WDFY1: variants seen among roughly 807,000 people sequenced by gnomAD.
WDFY1 encodes the protein WD repeat and FYVE domain-containing protein 1.
WDFY1 carries 32 observed loss-of-function variants against 56.4 expected under a neutral mutation model. The observed-to-expected ratio is 0.57, with a 90% CI of 0.43 to 0.76. The LOEUF (loss-of-function observed/expected upper bound fraction) is 0.76, where lower values mean the gene tolerates loss of function less well. Among genes scored for constraint, WDFY1 ranks in the 30% least tolerant of loss-of-function variants. WDFY1 has a pLI of 0.00. For synonymous variants in WDFY1, 192 were observed against 197.3 expected, an observed-to-expected ratio of 0.97 and a Z score of 0.23; for missense variants, 480 against 545.7, an observed-to-expected ratio of 0.88 and a Z score of 1.20.
intron 1 of WDFY1, 60 bp downstream of exon 1, chr2:223,945,088 A>T (rs1425259676): frequency 6.6e-7 from 1 of 1,507,758 alleles, no homozygotes; most frequent in Non-Finnish European, 8.8e-7. Context: ...CGCGGACCCC[A>T]CCGCCCCCAC....
intron 1 of WDFY1, among the ~76,000 whole-genome samples, chr2:223,932,301 T>G (rs181232673): frequency 1.3e-5 from 2 of 151,856 alleles, no homozygotes; most frequent in East Asian, 3.9e-4. Flanking sequence ...TTTTTGTATT[T>G]TTAGTAGAGA....
At chr2:223,880,864 G>A (rs1693058314) in intron 10 of WDFY1, among the ~76,000 whole-genome samples, 1 of 151,904 alleles carries the variant, frequency 6.6e-6, no homozygotes, top group East Asian at 1.9e-4. Flanking sequence ...CATACAGCAT[G>A]GGCAAAACAT....
intron 9 of WDFY1, among the ~76,000 whole-genome samples, chr2:223,883,753 C>T (rs1293513079): frequency 6.6e-6 from 1 of 152,214 alleles, no homozygotes; most frequent in Non-Finnish European, 1.5e-5. Context: ...TCAAGTGATT[C>T]TCCTGCCTCA....
At chr2:223,879,983 A>T (rs934868321) in intron 11 of WDFY1, 141 bp downstream of exon 11, 34 of 731,572 alleles carry the variant, frequency 4.6e-5, no homozygotes, top group Non-Finnish European at 8.0e-5. Context: ...AGAGGCAAGC[A>T]ATTTGTTACT....
At chr2:223,896,197 A>G (rs1311397498) in intron 6 of WDFY1, among the ~76,000 whole-genome samples, 2 of 144,840 alleles carry the variant, frequency 1.4e-5, no homozygotes, top group Non-Finnish European at 3.0e-5. Flanking sequence ...CTTGTAATAC[A>G]AAGATTTTTA....
chr2:223,922,720 TG>T (rs2106095274), intron 1 of WDFY1, among the ~76,000 whole-genome samples: 1 of 152,278 alleles, frequency 6.6e-6, no homozygotes, highest in South Asian at 2.1e-4. Flanking sequence ...TCAGTGCTCA[TG>T]GAAAGAAGGG....
chr2:223,893,481 GATCA>G (rs1277665101), intron 8 of WDFY1, among the ~76,000 whole-genome samples: 3 of 151,538 alleles, frequency 2.0e-5, no homozygotes, highest in African/African-American at 7.3e-5. Flanking sequence ...AGAGAGCCAA[GATCA>G]TGCCACTGCA....
At chr2:223,889,363 G>A (rs1693228626) in intron 8 of WDFY1, among the ~76,000 whole-genome samples, 1 of 152,120 alleles carries the variant, frequency 6.6e-6, no homozygotes, top group Admixed American at 6.5e-5. Flanking sequence ...CTGTGCCTAG[G>A]TTTCCTTATC....
At position 223,898,940 on chromosome 2, in the gene WDFY1, G is replaced by C. The variant is rs1247831982; in HGVS notation, c.598+18C>G. 1 of 1,607,254 alleles carries C rather than the reference G, an allele frequency of 6.2e-7. No homozygotes were observed. The highest frequency in any genetic ancestry group is 8.5e-7 in the Non-Finnish European group (1 of 1,173,972). On this transcript the variant is annotated intron_variant, in intron 6 of 11. Coordinates refer to ENST00000233055, the MANE Select transcript of WDFY1 (RefSeq NM_020830.5). ...CCAAGTTAGGCAAAAAAAACTCTTG[G>C]GTGATAATATAGCCTACCTTCATGT...
rs762663456 is a variant in WDFY1, at chr2:223,945,195, C to T, written c.90G>A (p.Ala30=). ...CGCCGTCCTCCTTGGGGATGAGCAG[C>T]GCGGCCGTGACGGCGTCCTGGTGCC... The part of the protein sequence containing the change: ...IEGHQDAVTA[A]LLIPKEDGVI... Residue 30 remains alanine, a synonymous_variant, in exon 1 of 12, where the codon GCG becomes GCA. Transcript: ENST00000233055. 2 of 1,598,800 alleles carry T rather than the reference C, an allele frequency of 1.3e-6. No individual in the cohort carries two copies. The highest frequency in any genetic ancestry group is 3.4e-5 in the Admixed American group (2 of 59,440).
chr2:223,894,200 C>A (rs753854887), intron 8 of WDFY1, 34 bp downstream of exon 8: 1 of 1,611,296 alleles, frequency 6.2e-7, no homozygotes, highest in Admixed American at 1.7e-5. Flanking sequence ...TGGGGGTCTC[C>A]CCCGATCAGC....
rs755828823 is a variant in WDFY1, at chr2:223,894,233, C to T, written c.831+1G>A. Reference sequence around the variant, plus strand: ...AGCCTGGACTTGCCCTTGTCTCTTACCTCTTCTCTGCTAACATCCATGTTC... The same window carrying T: ...AGCCTGGACTTGCCCTTGTCTCTTATCTCTTCTCTGCTAACATCCATGTTC... On this transcript the variant is annotated splice_donor_variant, in intron 8 of 11. Coordinates refer to ENST00000233055, the MANE Select transcript of WDFY1 (RefSeq NM_020830.5). LOFTEE classifies it high-confidence loss of function. The T allele has an allele frequency of 1.9e-6, 3 of 1,614,172 alleles. No individual in the cohort carries two copies. Among genetic ancestry groups the T allele is most frequent in the Non-Finnish European group, 2.5e-6 (3 of 1,179,988 alleles).
intron 2 of WDFY1, among the ~76,000 whole-genome samples, chr2:223,915,801 G>A (rs1432541372): frequency 6.6e-6 from 1 of 152,176 alleles, no homozygotes; most frequent in Non-Finnish European, 1.5e-5. Context: ...GGCAGGTTGG[G>A]TAACAGGTGG....
At chr2:223,905,787 A>C (rs1693589220) in intron 4 of WDFY1, among the ~76,000 whole-genome samples, 160 bp downstream of exon 4, 1 of 152,240 alleles carries the variant, frequency 6.6e-6, no homozygotes, top group Non-Finnish European at 1.5e-5. Context: ...AATGAGCAAG[A>C]AAAAGCTGAA....
At chr2:223,920,255 T>A (rs1403061572) in intron 1 of WDFY1, among the ~76,000 whole-genome samples, 2 of 152,208 alleles carry the variant, frequency 1.3e-5, no homozygotes, top group Non-Finnish European at 2.9e-5. Flanking sequence ...AGCACACCAG[T>A]GACCCGCTGC....
intron 6 of WDFY1, among the ~76,000 whole-genome samples, chr2:223,897,367 TATATATA>T (rs1238194650): frequency 0.011 from 347 of 31,568 alleles, 10 homozygotes; most frequent in Admixed American, 0.017. Context: ...TATATATATA[TATATATA>T]TATATATATA....
rs1689391402 is a variant in WDFY1 at position 223,945,210 on chromosome 2, G to A, written c.75C>T (p.Asp25=). 6.3e-7 allele frequency: 1 copy of A among 1,598,896 alleles called. No homozygotes were observed. Among genetic ancestry groups the A allele is most frequent in the African/African-American group, 1.4e-5 (1 of 72,538 alleles). ...GGATGAGCAGCGCGGCCGTGACGGC[G>A]TCCTGGTGCCCCTCGATCTTGCTCA... ...VLLSKIEGHQ[D]AVTAALLIPK... Residue 25 remains aspartate (D), a synonymous_variant, in exon 1 of 12, where the codon GAC becomes GAT. Coordinates refer to ENST00000233055, the MANE Select transcript of WDFY1 (RefSeq NM_020830.5).
At chr2:223,890,797 CT>C (rs1693256800) in intron 8 of WDFY1, among the ~76,000 whole-genome samples, 2 of 152,172 alleles carry the variant, frequency 1.3e-5, no homozygotes, top group Admixed American at 1.3e-4. Flanking sequence ...ATTCTGTAAC[CT>C]ACTAGTTTTA....
Position 223,901,200 on chromosome 2 carries a change from G to C in WDFY1, c.468C>G (p.Ser156=). 1.2e-6 allele frequency: 2 copies of C among 1,614,008 alleles called. No individual in the cohort carries two copies. Among genetic ancestry groups the C allele is most frequent in the Admixed American group, 1.7e-5 (1 of 59,996 alleles). ...GNMLGRHFFT[S]WASCLQYDFD... ...AAGGATACTGCAGACACGAAGCCCA[G>C]GACGTGAAGAAGTGCCTCCCGAGCA... The change falls in exon 5 of 12, where the codon TCC becomes TCG. Residue 156 remains serine (S), a synonymous_variant. Coordinates refer to ENST00000233055, the MANE Select transcript of WDFY1 (RefSeq NM_020830.5).
Sources: allele counts gnomAD v4.1 joint callset (sites outside exome capture counted in the v4.1 genomes callset), GRCh38; gene constraint gnomAD v4.1.1; transcripts MANE v1.5; gene names NCBI Gene and HGNC (gene_info 2026-07-23, HGNC 2026-07-21).